The following FAM78B variants were observed in gnomAD, a reference collection of about 807,000 sequenced individuals.
FAM78B encodes protein FAM78B.
Under a neutral mutation model 20.0 loss-of-function variants are expected in FAM78B, and 10 were observed. The observed-to-expected ratio is 0.50, with a 90% CI of 0.31 to 0.85. The LOEUF (loss-of-function observed/expected upper bound fraction) is 0.85, where lower values mean the gene tolerates loss of function less well. Ranked by LOEUF, FAM78B falls within the 40% of genes least tolerant of loss-of-function variation. The pLI is 0.05. For missense variants in FAM78B, 283 were observed against 345.0 expected (o/e 0.82, Z 1.42); for synonymous variants, 135 against 132.8 (o/e 1.02, Z -0.12).
chr1:166,110,561 T>C (rs1228557214), intron 1 of FAM78B, among the ~76,000 whole-genome samples: 1 of 152,228 alleles, frequency 6.6e-6, no homozygotes, highest in African/African-American at 2.4e-5. Context: ...ACTTCACCAC[T>C]GCTTTCTTGC....
At chr1:166,147,501 C>T (rs768249390) in intron 1 of FAM78B, among the ~76,000 whole-genome samples, 4 of 152,170 alleles carry the variant, frequency 2.6e-5, no homozygotes, top group South Asian at 2.1e-4. Flanking sequence ...TGGGAAATTA[C>T]AGTATTGTCA....
chr1:166,115,302 G>A (rs1654213116), intron 1 of FAM78B, among the ~76,000 whole-genome samples: 1 of 152,218 alleles, frequency 6.6e-6, no homozygotes, highest in South Asian at 2.1e-4. Context: ...TGAGAATGTT[G>A]TCACATTGTC....
At chr1:166,093,861 C>G (rs949872936) in intron 1 of FAM78B, among the ~76,000 whole-genome samples, 1 of 151,578 alleles carries the variant, frequency 6.6e-6, no homozygotes, top group African/African-American at 2.4e-5. Flanking sequence ...CTTGATGTGT[C>G]CTGATTGGCT....
At chr1:166,115,208 C>T (rs980154354) in intron 1 of FAM78B, among the ~76,000 whole-genome samples, 10 of 152,108 alleles carry the variant, frequency 6.6e-5, no homozygotes, top group Admixed American at 2.6e-4. Flanking sequence ...ACATACTGGC[C>T]GGAGAAAGAG....
intron 1 of FAM78B, among the ~76,000 whole-genome samples, chr1:166,087,977 T>C (rs1190171809): frequency 6.6e-6 from 1 of 152,128 alleles, no homozygotes; most frequent in Non-Finnish European, 1.5e-5. Flanking sequence ...CAGAGGGTAC[T>C]TGTGTCTGCT....
rs889424958 is a variant in FAM78B at position 166,097,762 on chromosome 1, A to C, written c.264-26999T>G. 5.3e-5 allele frequency among the ~76,000 whole-genome samples: 8 copies of C among 151,908 alleles called. No homozygotes were observed. The East Asian group carries it at 1.6e-3, about 29-fold the overall frequency. On this transcript the variant is annotated intron_variant, in intron 1 of 1. Coordinates refer to ENST00000354422, the MANE Select transcript of FAM78B (RefSeq NM_001017961.5). ...GGAGAGTCTGAACTCAGACATGCCC[A>C]GCCCCGCCCCCACCTGATGGTCCTT...
rs1651948713 is a variant in FAM78B at position 166,069,899 on chromosome 1, T to C, written c.*342A>G. ...GAAGCAGCATTTGCCACAGGCACTGTTTAATTTCGTTTCCATCCCCTGCAT... is the reference window on the plus strand; with the variant it reads ...GAAGCAGCATTTGCCACAGGCACTGCTTAATTTCGTTTCCATCCCCTGCAT... On this transcript the variant is annotated 3_prime_UTR_variant, in exon 2 of 2. Coordinates refer to ENST00000354422, the MANE Select transcript of FAM78B (RefSeq NM_001017961.5). 1.2e-6 allele frequency: 1 copy of C among 852,140 alleles called. No individual in the cohort carries two copies. The highest frequency in any genetic ancestry group is 1.8e-5 in the African/African-American group (1 of 55,064). 52.8% of individuals were successfully genotyped at this position (852,140 alleles called of 1,614,324 possible). A position where few individuals can be genotyped will look rare whatever the true frequency, so the allele number is the denominator to read the frequency against.
chr1:166,079,559 G>A (rs1652483414), intron 1 of FAM78B, among the ~76,000 whole-genome samples: 1 of 152,138 alleles, frequency 6.6e-6, no homozygotes, highest in South Asian at 2.1e-4. Context: ...ATGTGTGATG[G>A]AACATCTTTT....
chr1:166,104,337 T>C (rs899785491), intron 1 of FAM78B, among the ~76,000 whole-genome samples: 34 of 152,096 alleles, frequency 2.2e-4, no homozygotes, highest in Non-Finnish European at 3.2e-4. Context: ...CAACATAGTG[T>C]TGGAAGTTCT....
At chr1:166,067,926 G>A (rs544296140), downstream of FAM78B, among the ~76,000 whole-genome samples, 2 of 152,262 alleles carry the variant, frequency 1.3e-5, no homozygotes, top group Non-Finnish European at 2.9e-5. Context: ...AACAAGCCTA[G>A]CTAAGTATGC....
chr1:166,080,616 A>G (rs768692773), intron 1 of FAM78B, among the ~76,000 whole-genome samples: 33 of 152,178 alleles, frequency 2.2e-4, no homozygotes, highest in Non-Finnish European at 3.8e-4. Context: ...TTTTCTCTTC[A>G]TCTTCATGGC....
chr1:166,101,339 G>A (rs1418683432), intron 1 of FAM78B, among the ~76,000 whole-genome samples: 3 of 152,180 alleles, frequency 2.0e-5, no homozygotes, highest in Non-Finnish European at 4.4e-5. Flanking sequence ...GCTAGACAGA[G>A]AATAACTTTG....
At chr1:166,091,507 A>ATT (rs992510371) in intron 1 of FAM78B, among the ~76,000 whole-genome samples, 1 of 152,172 alleles carries the variant, frequency 6.6e-6, no homozygotes, top group African/African-American at 2.4e-5. Flanking sequence ...TTCCACCATG[A>ATT]TTGTGAAGCC....
At chr1:166,101,138 G>A (rs1206582067) in intron 1 of FAM78B, among the ~76,000 whole-genome samples, 1 of 152,228 alleles carries the variant, frequency 6.6e-6, no homozygotes, top group East Asian at 1.9e-4. Flanking sequence ...GGTCCCGACT[G>A]TTAGAAGGAA....
intron 1 of FAM78B, among the ~76,000 whole-genome samples, chr1:166,096,525 C>T (rs1340464173): frequency 6.6e-6 from 1 of 152,216 alleles, no homozygotes. Context: ...AAAACTTGCT[C>T]CATAATAGAT....
At chr1:166,073,885 T>C (rs563989717) in intron 1 of FAM78B, among the ~76,000 whole-genome samples, 4 of 152,290 alleles carry the variant, frequency 2.6e-5, no homozygotes, top group African/African-American at 9.6e-5. Context: ...GCTGCCACAG[T>C]GACTGTATCA....
At chr1:166,082,029 A>T (rs796228230) in intron 1 of FAM78B, among the ~76,000 whole-genome samples, 17 of 152,268 alleles carry the variant, frequency 1.1e-4, no homozygotes, top group African/African-American at 4.1e-4. Context: ...GGGACCATGC[A>T]GGTCCTCTCC....
chr1:166,152,436 T>C (rs1655711799), intron 1 of FAM78B, among the ~76,000 whole-genome samples: 1 of 152,144 alleles, frequency 6.6e-6, no homozygotes. Context: ...TTAATTGTTC[T>C]CTTTTCCGTA....
intron 1 of FAM78B, chr1:166,164,948 T>C (rs1270854263): frequency 6.6e-6 from 1 of 152,276 alleles, no homozygotes; most frequent in Non-Finnish European, 1.5e-5. Flanking sequence ...CTATTGTCGT[T>C]GCCACCTGCT....
Sources: allele counts gnomAD v4.1 joint callset (sites outside exome capture counted in the v4.1 genomes callset), GRCh38; gene constraint gnomAD v4.1.1; transcripts MANE v1.5; gene names NCBI Gene and HGNC (gene_info 2026-07-23, HGNC 2026-07-21).